The following CECR2 variants were observed in gnomAD, a reference collection of about 807,000 sequenced individuals.
CECR2 encodes the protein CECR2 histone acetyl-lysine reader.
A neutral mutation model predicts 154.5 loss-of-function variants in CECR2; 30 were observed. The observed-to-expected ratio is 0.19, with a 90% CI of 0.15 to 0.26. CECR2 has a LOEUF of 0.26. Ranked by LOEUF, CECR2 falls within the 10% of genes least tolerant of loss-of-function variation. CECR2 has a pLI of 1.00. For missense variants in CECR2, 1,743 were observed against 1,829.3 expected, an observed-to-expected ratio of 0.95 and a Z score of 0.86; for synonymous variants, 725 against 683.7, an observed-to-expected ratio of 1.06 and a Z score of -0.94.
rs374747773 is a variant in CECR2 at position 17,419,510 on chromosome 22, G to GGAA, written c.126+49619_126+49621dup. 202 of 165,150 alleles carry GGAA rather than the reference G, an allele frequency of 1.2e-3. 1 individual carries two copies. Among genetic ancestry groups the GGAA allele is most frequent in the African/African-American group, 8.1e-3 (163 of 20,082 alleles). 10.2% of individuals were successfully genotyped at this position (165,150 alleles called of 1,614,324 possible). On this transcript the variant is annotated intron_variant, in intron 1 of 18. Transcript: ENST00000262608. ...AGCCTCATCAGGAAGAGGAAGAGGA[G>GGAA]GAAGAAGAAGAAGAAGAAGAGGAAG...
At chr22:17,459,939 C>T (rs1441558343) in intron 1 of CECR2, among the ~76,000 whole-genome samples, 1 of 152,156 alleles carries the variant, frequency 6.6e-6, no homozygotes, top group African/African-American at 2.4e-5. Flanking sequence ...GTATTTATAC[C>T]AGTAGCAGCT....
chr22:17,441,365 G>C (rs1054235492), intron 1 of CECR2, among the ~76,000 whole-genome samples: 5 of 152,200 alleles, frequency 3.3e-5, no homozygotes, highest in African/African-American at 7.2e-5. Flanking sequence ...GAATATGATG[G>C]AACGCACAGC....
At chr22:17,479,860 G>A (rs2055276788) in intron 2 of CECR2, among the ~76,000 whole-genome samples, 2 of 150,414 alleles carry the variant, frequency 1.3e-5, no homozygotes, top group Admixed American at 1.3e-4. Flanking sequence ...CTCAACCTGG[G>A]CTCTAGCAGT....
At chr22:17,532,095 A>G (rs1335403085) in intron 9 of CECR2, among the ~76,000 whole-genome samples, 1 of 152,098 alleles carries the variant, frequency 6.6e-6, no homozygotes, top group African/African-American at 2.4e-5. Context: ...ACTTGAGCCC[A>G]GGAGGTCAAG....
Position 17,497,474 on chromosome 22 carries a change from A to G in CECR2, c.293A>G (p.Asn98Ser). 5 of 1,613,862 alleles carry G rather than the reference A, an allele frequency of 3.1e-6. No individual in the cohort carries two copies. The highest frequency in any genetic ancestry group is 4.2e-6 in the Non-Finnish European group (5 of 1,179,846). The change falls in exon 3 of 19, where the codon AAC (asparagine) becomes AGC (serine). Residue 98 changes from asparagine to serine, a missense_variant. By Grantham distance (46) the Asn-to-Ser change is conservative (BLOSUM62 1). This residue lies in a region of CECR2 where 98 missense variants were observed against 169.3 expected (regional missense o/e 0.58). Coordinates refer to ENST00000262608, the MANE Select transcript of CECR2 (RefSeq NM_001290047.2). Reference sequence around the variant, plus strand: ...TGGGAGCTCGAAGAAGGGAAGCCCAACCCTCTGAGGGAAGCCAGTTTCCAG... The same window carrying G: ...TGGGAGCTCGAAGAAGGGAAGCCCAGCCCTCTGAGGGAAGCCAGTTTCCAG... ...YRWELEEGKP[N>S]PLREASFQDL...
At chr22:17,542,015 C>T (rs530591517) in intron 15 of CECR2, 48 bp downstream of exon 15, 323 of 1,587,516 alleles carry the variant, frequency 2.0e-4, no homozygotes, top group Non-Finnish European at 2.7e-4. Context: ...CCCACAGGTA[C>T]GTTTCAGAGA....
intron 1 of CECR2, chr22:17,428,527 T>C (rs2054366491): frequency 6.6e-6 from 1 of 152,196 alleles, no homozygotes; most frequent in Non-Finnish European, 1.5e-5. Context: ...TTATCCTGGA[T>C]ACAGTTCAAA....
chr22:17,373,677 C>G (rs1185609393), intron 1 of CECR2, among the ~76,000 whole-genome samples: 1 of 152,268 alleles, frequency 6.6e-6, no homozygotes. Flanking sequence ...AGATGAATGA[C>G]ACTGAATTCA....
chr22:17,480,619 T>C (rs2055293366), intron 2 of CECR2, among the ~76,000 whole-genome samples: 1 of 152,234 alleles, frequency 6.6e-6, no homozygotes, highest in Admixed American at 6.5e-5. Flanking sequence ...ATGCGGTTAC[T>C]GTGAATGTAC....
chr22:17,390,776 C>T (rs2063317765), intron 1 of CECR2, among the ~76,000 whole-genome samples: 2 of 152,040 alleles, frequency 1.3e-5, no homozygotes, highest in Non-Finnish European at 2.9e-5. Flanking sequence ...ACTCCTGACC[C>T]AAAACCATTT....
chr22:17,392,912 C>G (rs183662192), intron 1 of CECR2, among the ~76,000 whole-genome samples: 1 of 151,622 alleles, frequency 6.6e-6, no homozygotes, highest in Non-Finnish European at 1.5e-5. Context: ...TGGTGACACC[C>G]GCCTGTAATT....
chr22:17,361,546 G>A (rs1477464884), intron 1 of CECR2, among the ~76,000 whole-genome samples: 2 of 151,136 alleles, frequency 1.3e-5, no homozygotes, highest in Non-Finnish European at 2.9e-5. Flanking sequence ...TAATAGCAAG[G>A]GTGTTGACAC....
intron 1 of CECR2, among the ~76,000 whole-genome samples, chr22:17,404,364 C>CCTTTTTTTTTTTTTT (rs781954770): frequency 3.4e-5 from 2 of 59,624 alleles, no homozygotes; most frequent in African/African-American, 1.5e-4. Flanking sequence ...GGACCCTGTT[C>CCTTTTTTTTTTTTTT]TTTCTTTTTT....
chr22:17,532,168 A>T (rs1485350512), intron 9 of CECR2, among the ~76,000 whole-genome samples: 2 of 152,148 alleles, frequency 1.3e-5, no homozygotes, highest in Non-Finnish European at 2.9e-5. Context: ...CCCTGTCTCA[A>T]AAAAAGGAAG....
intron 6 of CECR2, among the ~76,000 whole-genome samples, chr22:17,504,075 T>TAAATAAATAAATAAATAAATAAATAAAA (rs879844244): frequency 1.0e-4 from 15 of 149,940 alleles, no homozygotes; most frequent in African/African-American, 3.7e-4. Flanking sequence ...AATAAATAAA[T>TAAATAAATAAATAAATAAATAAATAAAA]AAAATTTAAA....
chr22:17,430,946 A>T (rs1364716726), intron 1 of CECR2, among the ~76,000 whole-genome samples: 1 of 152,154 alleles, frequency 6.6e-6, no homozygotes, highest in Non-Finnish European at 1.5e-5. Flanking sequence ...GTTTTATTTG[A>T]TCACAACAGT....
chr22:17,476,953 CCCCA>C, intron 1 of CECR2: 1 of 530,044 alleles, frequency 1.9e-6, no homozygotes, highest in Non-Finnish European at 3.4e-6. Flanking sequence ...GCAAGCTGAA[CCCCA>C]AGGAAAGCAA....
At chr22:17,533,270 A>G (rs1010373886) in intron 9 of CECR2, among the ~76,000 whole-genome samples, 3 of 150,662 alleles carry the variant, frequency 2.0e-5, no homozygotes, top group African/African-American at 7.3e-5. Context: ...CAGTGTGTTA[A>G]CATAGCGCCA....
At position 17,549,135 on chromosome 22, in the gene CECR2, T is replaced by C. The variant is rs370954909; in HGVS notation, c.3848T>C (p.Leu1283Pro). Residue 1283 changes from leucine (L) to proline (P), a missense_variant, in exon 17 of 19, where the codon CTG becomes CCG. Transcript: ENST00000262608. ...AATCCTGGTCCAGAGGAAGAGAAGCTGGATGAATCTATGGAGAGGCCAGAG... is the reference window on the plus strand; with the variant it reads ...AATCCTGGTCCAGAGGAAGAGAAGCCGGATGAATCTATGGAGAGGCCAGAG... ...GQNPGPEEEK[L>P]DESMERPESP... 6 of 1,614,024 alleles carry C rather than the reference T, an allele frequency of 3.7e-6. No individual in the cohort carries two copies. In the African/African-American group the frequency reaches 8.0e-5, roughly 22 times the overall value.
Sources: gnomAD v4.1 joint callset for allele counts (sites outside exome capture counted in the v4.1 genomes callset) on GRCh38, gnomAD v4.1.1 for gene constraint, gnomAD v4.1.1 regional missense constraint, MANE v1.5 for transcripts, NCBI Gene and HGNC (gene_info 2026-07-23, HGNC 2026-07-21) for gene names.